Variants in SRRM4 observed in about 807,000 individuals in gnomAD.
The protein encoded by SRRM4 is serine/arginine repetitive matrix 4.
A neutral mutation model predicts 68.9 loss-of-function variants in SRRM4; 33 were observed. That is an observed-to-expected ratio of 0.48 (90% confidence interval 0.36 to 0.64). The LOEUF (loss-of-function observed/expected upper bound fraction) is 0.64. SRRM4 is among the 30% of genes least tolerant of loss of function. The probability of loss-of-function intolerance (pLI) is 0.00; values close to 1 mark genes in which losing one functional copy is unlikely to be tolerated. For missense variants in SRRM4, 817 were observed against 827.1 expected (o/e 0.99, Z 0.15); for synonymous variants, 318 against 318.8 (o/e 1.00, Z 0.03).
chr12:119,043,539 C>G (rs551683130), intron 1 of SRRM4, among the ~76,000 whole-genome samples: 1 of 151,852 alleles, frequency 6.6e-6, no homozygotes, highest in South Asian at 2.1e-4. Flanking sequence ...TATCCCAGAA[C>G]TTAATAAAAT....
chr12:119,162,620 T>TG lies in SRRM4; in HGVS notation c.*5823dup. 6.6e-6 allele frequency: 1 copy of TG among 152,178 alleles called. No individual in the cohort carries two copies. Among genetic ancestry groups the TG allele is most frequent in the East Asian group, 1.9e-4 (1 of 5,182 alleles). 9.4% of individuals were successfully genotyped at this position (152,178 alleles called of 1,614,324 possible). On this transcript the variant is annotated 3_prime_UTR_variant, in exon 13 of 13. Coordinates refer to ENST00000267260, the MANE Select transcript of SRRM4 (RefSeq NM_194286.4). The stretch of plus-strand genomic sequence containing the variant: ...TGGTAGCTTTTTCTCCGGGGTCCTG[T>TG]GCTATAAGAACTTCTCTCTGCACTG...
In SRRM4 at chr12:119,151,096, A is replaced by G. The variant is rs1206470552; in HGVS notation, c.1156A>G (p.Met386Val). 6.2e-6 allele frequency: 10 copies of G among 1,613,972 alleles called. No homozygotes were observed. The highest frequency in any genetic ancestry group is 8.5e-6 in the Non-Finnish European group (10 of 1,179,874). Reference sequence around the variant, plus strand: ...CCCATCCACAGCCCGGAGCTCACCCATGAAAGGGTGTTCCCGCAGCTCCTC... The same window carrying G: ...CCCATCCACAGCCCGGAGCTCACCCGTGAAAGGGTGTTCCCGCAGCTCCTC... ...LVPSTARSSP[M>V]KGCSRSSSYA... Residue 386 changes from methionine to valine, a missense_variant, in exon 10 of 13, where the codon ATG becomes GTG. Met to Val is a conservative substitution (Grantham distance 21, BLOSUM62 1). Coordinates refer to ENST00000267260, the MANE Select transcript of SRRM4 (RefSeq NM_194286.4).
chr12:119,034,348 C>A (rs975526987), intron 1 of SRRM4, among the ~76,000 whole-genome samples: 3 of 152,166 alleles, frequency 2.0e-5, no homozygotes, highest in Non-Finnish European at 4.4e-5. Context: ...GTGCTGTCTG[C>A]TGGAAGGACT....
chr12:119,029,499 G>A (rs566200405), intron 1 of SRRM4, among the ~76,000 whole-genome samples: 5 of 152,280 alleles, frequency 3.3e-5, no homozygotes, highest in African/African-American at 9.6e-5. Context: ...CAACCACTGA[G>A]GCATTCAACA....
At chr12:119,018,514 A>AT (rs1453903171) in intron 1 of SRRM4, among the ~76,000 whole-genome samples, 1 of 152,132 alleles carries the variant, frequency 6.6e-6, no homozygotes, top group African/African-American at 2.4e-5. Context: ...AAACTCAAGA[A>AT]TTTTTTTGTT....
chr12:119,083,951 G>A (rs536517676), intron 1 of SRRM4, among the ~76,000 whole-genome samples: 80 of 152,280 alleles, frequency 5.3e-4, no homozygotes, highest in African/African-American at 1.8e-3. Flanking sequence ...AGAATTTGGG[G>A]TTATTTTTTA....
intron 1 of SRRM4, among the ~76,000 whole-genome samples, chr12:119,009,193 T>C (rs1407878371): frequency 1.3e-5 from 2 of 152,020 alleles, no homozygotes; most frequent in African/African-American, 4.8e-5. Flanking sequence ...AGCGAGATGC[T>C]AACAGGAGGG....
At chr12:119,143,700 G>A (rs1954382032) in intron 8 of SRRM4, among the ~76,000 whole-genome samples, 3 of 152,170 alleles carry the variant, frequency 2.0e-5, no homozygotes. Context: ...ACCTAGAAGT[G>A]TGGACACTTG....
chr12:119,021,210 T>C (rs140022079), intron 1 of SRRM4, among the ~76,000 whole-genome samples: 28 of 152,312 alleles, frequency 1.8e-4, no homozygotes, highest in Admixed American at 1.8e-3. Context: ...CAGTTCTACC[T>C]TGATCATTTG....
intron 10 of SRRM4, among the ~76,000 whole-genome samples, chr12:119,152,275 C>T (rs144949987): frequency 1.3e-5 from 2 of 152,048 alleles, no homozygotes; most frequent in East Asian, 3.9e-4. Flanking sequence ...AAAAATGAGA[C>T]AAGGCAACTG....
intron 1 of SRRM4, chr12:119,001,982 CAAAAA>C (rs55674208): frequency 0.016 from 2,219 of 136,598 alleles, 47 homozygotes; most frequent in African/African-American, 0.052. Context: ...AAACATGTCT[CAAAAA>C]AAAAAAAAAA....
At chr12:119,088,834 C>T (rs915519348) in intron 1 of SRRM4, among the ~76,000 whole-genome samples, 1 of 152,056 alleles carries the variant, frequency 6.6e-6, no homozygotes, top group African/African-American at 2.4e-5. Context: ...AGACTAGGTC[C>T]CAAAGGCTAT....
In SRRM4 at chr12:119,162,399, G is replaced by A. The variant is rs542763726; in HGVS notation, c.*5601G>A. 2 of 152,280 alleles carry A rather than the reference G, an allele frequency of 1.3e-5. No homozygotes were observed. Among genetic ancestry groups the A allele is most frequent in the African/African-American group, 4.8e-5 (2 of 41,556 alleles). The allele number at this position is 152,280 out of a possible 1,614,324, so 9.4% of individuals were successfully genotyped here. On this transcript the variant is annotated 3_prime_UTR_variant, in exon 13 of 13. Transcript: ENST00000267260. ...AAGTCATCACGGGAGAGACCAAGAT[G>A]GGCTTACCTTGCCCTGCTCTGGATT...
At chr12:118,991,757 C>T (rs1953318201) in intron 1 of SRRM4, 3 of 152,226 alleles carry the variant, frequency 2.0e-5, no homozygotes, top group East Asian at 1.9e-4. Context: ...GGGATGGGGA[C>T]TATGCCTGTC....
Position 119,162,491 on chromosome 12 carries a change from T to A in SRRM4, c.*5693T>A, listed in dbSNP as rs901723253. The A allele has an allele frequency of 3.3e-5, 5 of 152,222 alleles. No individual in the cohort carries two copies. Among genetic ancestry groups the A allele is most frequent in the Non-Finnish European group, 7.3e-5 (5 of 68,036 alleles). The allele number at this position is 152,222 out of a possible 1,614,324, so 9.4% of individuals were successfully genotyped here. ...TCAAATAACCCAGTGACATAGGTCA[T>A]ATTGCCACTTTTCAGAGGAGAAAAC... On this transcript the variant is annotated 3_prime_UTR_variant, in exon 13 of 13. Transcript: ENST00000267260.
intron 1 of SRRM4, among the ~76,000 whole-genome samples, chr12:119,089,656 G>A (rs1286703937): frequency 6.6e-6 from 1 of 152,194 alleles, no homozygotes; most frequent in African/African-American, 2.4e-5. Flanking sequence ...TGGTGCTGGA[G>A]CTGCAGAGTT....
chr12:119,162,029 T>A lies in SRRM4; in HGVS notation c.*5231T>A, dbSNP rs1954517729. ...GGCCTGTGTATCAGTCTGAATGAAA[T>A]GGAATGGGTCTCTAGCCTCAGTCTT... On this transcript the variant is annotated 3_prime_UTR_variant, in exon 13 of 13. Coordinates refer to ENST00000267260, the MANE Select transcript of SRRM4 (RefSeq NM_194286.4). The A allele has an allele frequency of 6.6e-6, 1 of 152,108 alleles. No homozygotes were observed. The highest frequency in any genetic ancestry group is 2.1e-4 in the South Asian group (1 of 4,816). The allele number at this position is 152,108 out of a possible 1,614,324, so 9.4% of individuals were successfully genotyped here.
chr12:119,057,769 A>G (rs1314885702), intron 1 of SRRM4, among the ~76,000 whole-genome samples: 1 of 152,236 alleles, frequency 6.6e-6, no homozygotes, highest in Non-Finnish European at 1.5e-5. Flanking sequence ...AGGAATCACC[A>G]TACTGTCTTC....
chr12:119,091,118 A>AGT (rs1954011890), intron 1 of SRRM4, among the ~76,000 whole-genome samples: 1 of 151,976 alleles, frequency 6.6e-6, no homozygotes, highest in Non-Finnish European at 1.5e-5. Context: ...CTCTGGCACG[A>AGT]GTGTGTGTGT....
Sources: allele counts gnomAD v4.1 joint callset (sites outside exome capture counted in the v4.1 genomes callset), GRCh38; gene constraint gnomAD v4.1.1; transcripts MANE v1.5; gene names NCBI Gene and HGNC (gene_info 2026-07-23, HGNC 2026-07-21).